Variants in C4orf51 observed in about 807,000 individuals in gnomAD.
The protein encoded by C4orf51 is uncharacterized protein C4orf51.
Under a neutral mutation model 25.2 loss-of-function variants are expected in C4orf51, and 25 were observed. The observed-to-expected ratio is 0.99, with a 90% CI of 0.72 to 1.39. C4orf51 has a LOEUF of 1.39. Among genes scored for constraint, C4orf51 ranks in the 40% most tolerant of loss-of-function variants. C4orf51 has a pLI of 0.00. For missense variants in C4orf51, 252 were observed against 239.6 expected (o/e 1.05, Z -0.34); for synonymous variants, 100 against 84.5 (o/e 1.18, Z -1.01).
chr4:145,786,988 C>G, the C4orf51 span, among the ~76,000 whole-genome samples: 3 of 152,130 alleles, frequency 2.0e-5, no homozygotes, highest in African/African-American at 7.2e-5. Context: ...ACTGGTGACC[C>G]TGCACAAGAT....
intron 2 of C4orf51, among the ~76,000 whole-genome samples, chr4:145,712,315 G>A (rs567910052): frequency 6.6e-6 from 1 of 152,192 alleles, no homozygotes; most frequent in East Asian, 1.9e-4. Flanking sequence ...CAAGACAGAT[G>A]AAAAGCTCAG....
At chr4:145,727,379 A>G (rs1270943139) in intron 3 of C4orf51, among the ~76,000 whole-genome samples, 2 of 152,118 alleles carry the variant, frequency 1.3e-5, no homozygotes, top group South Asian at 2.1e-4. Context: ...ATCCTTATAA[A>G]TGTCTCTCTA....
In C4orf51 at chr4:145,763,453, C is replaced by T. The variant is rs1734823294; in HGVS notation, n.167-7535C>T. ...TTTTCAAAGTATTCTTCTACTTGGT[C>T]ATCCTAGAACATAAACTATTACACA... On this transcript the variant is annotated intron_variant and non_coding_transcript_variant, in intron 1 of 1. Coordinates refer to the C4orf51 transcript ENST00000510096. The surrounding 1 kb of genome is among the most constrained non-coding windows in gnomAD (Gnocchi z 4.6). 6.6e-6 allele frequency among the ~76,000 whole-genome samples: 1 copy of T among 152,238 alleles called. No homozygotes were observed. Among genetic ancestry groups the T allele is most frequent in the Non-Finnish European group, 1.5e-5 (1 of 68,050 alleles).
chr4:145,778,109 T>C, the C4orf51 span, among the ~76,000 whole-genome samples: 2 of 152,274 alleles, frequency 1.3e-5, no homozygotes, highest in South Asian at 2.1e-4. Context: ...TTGGGCAGCA[T>C]GGAGAAACCC....
chr4:145,725,820 G>T (rs1732023825), intron 2 of C4orf51, among the ~76,000 whole-genome samples: 1 of 152,032 alleles, frequency 6.6e-6, no homozygotes. Context: ...AATCTTATTG[G>T]GATGATGAAA....
chr4:145,768,187 C>T (rs954274769), intron 1 of C4orf51, among the ~76,000 whole-genome samples: 4 of 152,084 alleles, frequency 2.6e-5, no homozygotes, highest in South Asian at 2.1e-4. Flanking sequence ...TTTTTGGAGA[C>T]AGGGTCTCAC....
At chr4:145,697,662 G>A (rs1420641837) in intron 2 of C4orf51, among the ~76,000 whole-genome samples, 1 of 152,036 alleles carries the variant, frequency 6.6e-6, no homozygotes. Flanking sequence ...TCCTCCAGGT[G>A]CATCCATGTT....
At position 145,706,239 on chromosome 4, in the gene C4orf51, G is replaced by A. The variant is rs141629852; in HGVS notation, c.307+9607G>A. Among the ~76,000 whole-genome samples the A allele has an allele frequency of 2.6e-3, 403 of 152,252 alleles. 1 individual carries two copies. Among genetic ancestry groups the A allele is most frequent in the African/African-American group, 8.8e-3 (364 of 41,546 alleles). ...GCTTTAGTCTTATTATACTTGGCGT[G>A]GTTATTTGCATAAAGCACTGTGAGA... is the stretch of plus-strand genomic sequence containing the variant. On this transcript the variant is annotated intron_variant, in intron 2 of 5. Transcript: ENST00000438731.
At chr4:145,722,104 A>G (rs949277805) in intron 2 of C4orf51, among the ~76,000 whole-genome samples, 4 of 152,164 alleles carry the variant, frequency 2.6e-5, no homozygotes, top group Non-Finnish European at 5.9e-5. Context: ...AGATAAATGG[A>G]CTGCCTTATT....
At chr4:145,768,916 T>TATATATAA (rs34051922) in intron 1 of C4orf51, among the ~76,000 whole-genome samples, 2,531 of 34,272 alleles carry the variant, frequency 0.074, 560 homozygotes, top group East Asian at 0.12. Context: ...TATATATATA[T>TATATATAA]TAGGTATACA....
At chr4:145,764,850 G>T in intron 1 of C4orf51, 1 of 1,131,610 alleles carries the variant, frequency 8.8e-7, no homozygotes. Flanking sequence ...AGGCAGCAGG[G>T]GTTCCTGACT....
In C4orf51 at chr4:145,732,478, G is replaced by C; in HGVS notation, c.527G>C (p.Ser176Thr). 1 of 1,610,870 alleles carries C rather than the reference G, an allele frequency of 6.2e-7. No homozygotes were observed. Among genetic ancestry groups the C allele is most frequent in the Non-Finnish European group, 8.5e-7 (1 of 1,178,776 alleles). ...KHLHGRCDSE[S>T]KVCSSEDSEA... Reference sequence around the variant, plus strand: ...CTTCATGGACGGTGCGATTCTGAAAGCAAGGTTTGCTCATCTGAGGATTCA... The same window carrying C: ...CTTCATGGACGGTGCGATTCTGAAACCAAGGTTTGCTCATCTGAGGATTCA... Residue 176 changes from serine (S) to threonine (T), a missense_variant, in exon 6 of 6, where the codon AGC (serine) becomes ACC (threonine). By Grantham distance (58) the Ser-to-Thr change is moderately conservative. Coordinates refer to ENST00000438731, the MANE Select transcript of C4orf51 (RefSeq NM_001080531.3).
downstream of C4orf51, among the ~76,000 whole-genome samples, chr4:145,736,175 G>A (rs1481879704): frequency 6.6e-6 from 1 of 151,900 alleles, no homozygotes; most frequent in African/African-American, 2.4e-5. Flanking sequence ...AAACTGGGAG[G>A]CAATTAGAGT....
chr4:145,691,045 C>T (rs1051171599), intron 1 of C4orf51, among the ~76,000 whole-genome samples: 1 of 151,782 alleles, frequency 6.6e-6, no homozygotes, highest in East Asian at 1.9e-4. Context: ...CCTGGTAGGT[C>T]GAGGCTATAG....
chr4:145,790,461 A>T, the C4orf51 span, among the ~76,000 whole-genome samples: 1 of 152,218 alleles, frequency 6.6e-6, no homozygotes, highest in Non-Finnish European at 1.5e-5. Context: ...CTAAAATTTT[A>T]ATGTTAATTT....
intron 1 of C4orf51, among the ~76,000 whole-genome samples, chr4:145,695,307 T>C (rs1578939189): frequency 1.3e-5 from 2 of 152,274 alleles, no homozygotes; most frequent in Admixed American, 6.5e-5. Flanking sequence ...TATCCCATTG[T>C]AGTTTTAATT....
intron 2 of C4orf51, among the ~76,000 whole-genome samples, chr4:145,724,054 C>T (rs999293678): frequency 1.4e-4 from 22 of 152,212 alleles, no homozygotes; most frequent in African/African-American, 5.1e-4. Flanking sequence ...AGCACAAATT[C>T]TAATGCCTGG....
chr4:145,726,026 C>T (rs1732035214), intron 2 of C4orf51, among the ~76,000 whole-genome samples: 1 of 152,200 alleles, frequency 6.6e-6, no homozygotes, highest in Non-Finnish European at 1.5e-5. Context: ...TCTTGCCTCT[C>T]TCTAATTCTA....
chr4:145,776,627 T>C, the C4orf51 span, among the ~76,000 whole-genome samples: 1 of 152,016 alleles, frequency 6.6e-6, no homozygotes, highest in African/African-American at 2.4e-5. Flanking sequence ...TGTGTGTGTG[T>C]ACCCCATGTG....
Sources: allele counts gnomAD v4.1 joint callset (sites outside exome capture counted in the v4.1 genomes callset), GRCh38; gene constraint gnomAD v4.1.1; non-coding constraint Gnocchi (gnomAD v3.1); transcripts MANE v1.5; gene names NCBI Gene and HGNC (gene_info 2026-07-23, HGNC 2026-07-21).